Variants in AATK observed in about 807,000 individuals in gnomAD.
The protein encoded by AATK is lemur tail kinase 1, also known as serine/threonine-protein kinase LMTK1.
AATK carries 91 observed loss-of-function variants against 114.3 expected under a neutral mutation model. The observed-to-expected ratio is 0.80, with a 90% CI of 0.67 to 0.95. The LOEUF is 0.95. Ranked by LOEUF, AATK falls within the 40% of genes least tolerant of loss-of-function variation. The probability of loss-of-function intolerance (pLI) is 0.00; values close to 1 mark genes in which losing one functional copy is unlikely to be tolerated. For synonymous variants in AATK, 1,075 were observed against 916.5 expected (o/e 1.17, Z -3.12); for missense variants, 2,176 against 1,965.2 (o/e 1.11, Z -2.03).
At position 81,120,037 on chromosome 17, in the gene AATK, TCCTTGGCGC is replaced by T; in HGVS notation, c.3773_3781del (p.Gly1258_Lys1260del). 1 of 1,454,458 alleles carries T rather than the reference TCCTTGGCGC, an allele frequency of 6.9e-7. No homozygotes were observed. The highest frequency in any genetic ancestry group is 9.1e-7 in the Non-Finnish European group (1 of 1,100,922). The allele number at this position is 1,454,458 out of a possible 1,614,324, so 90.1% of individuals were successfully genotyped here. On this transcript the variant is annotated inframe_deletion, in exon 12 of 14. Coordinates refer to ENST00000326724, the MANE Select transcript of AATK (RefSeq NM_001080395.3). ...CCCCCTAAGGAACGTAGGGGGCGAT[TCCTTGGCGC>T]CCGGGAAGGGCTCCCCGAGCTCCCG...
intron 3 of AATK, among the ~76,000 whole-genome samples, 191 bp downstream of exon 3, chr17:81,130,870 G>A (rs533729894): frequency 1.2e-3 from 189 of 152,314 alleles, no homozygotes; most frequent in African/African-American, 4.4e-3. Context: ...TGCACCTTTG[G>A]CCCCACAGTG....
chr17:81,156,449 A>T (rs987715786), intron 1 of AATK, among the ~76,000 whole-genome samples: 2 of 152,030 alleles, frequency 1.3e-5, no homozygotes, highest in Non-Finnish European at 2.9e-5. Flanking sequence ...CCCAGGCTGG[A>T]GTGCAGTGGT....
chr17:81,138,492 C>T (rs2061061541), intron 1 of AATK, among the ~76,000 whole-genome samples: 1 of 149,336 alleles, frequency 6.7e-6, no homozygotes, highest in Non-Finnish European at 1.5e-5. Context: ...TGCATGCACA[C>T]ACACCCTCGT....
chr17:81,156,070 G>A (rs970363134), intron 1 of AATK, among the ~76,000 whole-genome samples: 1 of 147,788 alleles, frequency 6.8e-6, no homozygotes, highest in African/African-American at 2.6e-5. Context: ...TATAATGTAT[G>A]TTACTATGTT....
intron 1 of AATK, among the ~76,000 whole-genome samples, chr17:81,144,081 C>T (rs2061181286): frequency 6.6e-6 from 1 of 152,200 alleles, no homozygotes; most frequent in African/African-American, 2.4e-5. Context: ...TGTCCCCGCT[C>T]GGCCCTTCAG....
chr17:81,127,543 C>T (rs1228113040), intron 6 of AATK, 40 bp downstream of exon 6: 24 of 1,555,208 alleles, frequency 1.5e-5, no homozygotes, highest in Non-Finnish European at 2.0e-5. Context: ...AGGGCCCCGG[C>T]TCAGCAAAGA....
intron 9 of AATK, among the ~76,000 whole-genome samples, chr17:81,124,235 C>T (rs2060755789): frequency 6.6e-6 from 1 of 151,932 alleles, no homozygotes; most frequent in East Asian, 1.9e-4. Context: ...GGACCACTCC[C>T]CTGGCGGCTC....
chr17:81,119,351 C>T (rs1374728023), intron 13 of AATK, 29 bp downstream of exon 13: 1 of 1,549,232 alleles, frequency 6.5e-7, no homozygotes, highest in South Asian at 1.2e-5. Context: ...CCCGCGTGCC[C>T]TTCTGCCACA....
Position 81,141,957 on chromosome 17 carries a change from C to CT in AATK, c.56-7457dup, listed in dbSNP as rs199621163. Among the ~76,000 whole-genome samples, 1,609 of 83,180 alleles carry CT rather than the reference C, an allele frequency of 0.019. 33 individuals are homozygous for CT. The East Asian group carries it at 0.32, about 17-fold the overall frequency. The allele number at this position is 83,180 out of a possible 152,430, so 54.6% of individuals were successfully genotyped here. A position where few individuals can be genotyped will look rare whatever the true frequency, so the allele number is the denominator to read the frequency against. On this transcript the variant is annotated intron_variant, in intron 1 of 13. Coordinates refer to ENST00000326724, the MANE Select transcript of AATK (RefSeq NM_001080395.3). The stretch of plus-strand genomic sequence containing the variant: ...CTTCCTTCCTTCCTTCCTTCCTTTC[C>CT]TTCCTTCCTTCCTTCCTTGATAGAG...
chr17:81,125,528 G>T (rs536466878), intron 7 of AATK, among the ~76,000 whole-genome samples: 67 of 152,284 alleles, frequency 4.4e-4, no homozygotes, highest in Middle Eastern at 3.4e-3. Flanking sequence ...GCCACCACTG[G>T]CCCCAGGGTT....
intron 12 of AATK, 90 bp downstream of exon 12, chr17:81,119,846 T>C (rs890985280): frequency 4.4e-6 from 6 of 1,362,564 alleles, no homozygotes; most frequent in Non-Finnish European, 5.7e-6. Flanking sequence ...GCTCCTCCCA[T>C]GATGTCACAC....
At chr17:81,128,608 CACCCGGCCCCTGGAGGGGCT>C (rs1471126931) in intron 3 of AATK, 59 bp from the exon 4 acceptor site, 1 of 1,543,980 alleles carries the variant, frequency 6.5e-7, no homozygotes, top group East Asian at 2.5e-5. Context: ...CCAGCTTCCT[CACCCGGCCCCTGGAGGGGCT>C]GCCCGCTTGG....
Position 81,121,471 on chromosome 17 carries a change from G to A in AATK, c.2465C>T (p.Ala822Val). The change falls in exon 11 of 14, where the codon GCC becomes GTC. Residue 822 changes from alanine to valine, a missense_variant. This residue lies in a region of AATK where 1,701 missense variants were observed against 1,394.7 expected (regional missense o/e 1.22). Transcript: ENST00000326724. ...EEASAPDAPD[A>V]LPDSPTPATG... ...AGCAGGCGTGGGAGAGTCAGGCAGG[G>A]CATCAGGGGCGTCGGGGGCACTGGC... 1.3e-6 allele frequency: 2 copies of A among 1,577,700 alleles called. No individual in the cohort carries two copies. The highest frequency in any genetic ancestry group is 1.3e-5 in the African/African-American group (1 of 74,458).
Position 81,145,877 on chromosome 17 carries a change from A to C in AATK, c.56-11376T>G, listed in dbSNP as rs571736990. On this transcript the variant is annotated intron_variant, in intron 1 of 13. Transcript: ENST00000326724. ...GAGCACACAATCAGTAAAAAATAAC[A>C]AATACGTTAAGACCCCAAACATAAA... 2.6e-5 allele frequency among the ~76,000 whole-genome samples: 4 copies of C among 152,134 alleles called. No individual in the cohort carries two copies. In the South Asian group the frequency reaches 8.3e-4, roughly 32 times the overall value.
At chr17:81,148,821 C>T (rs891033237) in intron 1 of AATK, among the ~76,000 whole-genome samples, 5 of 152,224 alleles carry the variant, frequency 3.3e-5, no homozygotes, top group African/African-American at 9.6e-5. Context: ...CGCACACTCA[C>T]GCACACACCC....
Position 81,120,696 on chromosome 17 carries a change from A to G in AATK, c.3240T>C (p.Pro1080=). ...STCPSGLVPE[P]PEPQGPAKVR... is the part of the protein sequence containing the mutation. Reference sequence around the variant, plus strand: ...CCTTGGCTGGGCCTTGGGGCTCCGGAGGCTCTGGGACCAGGCCCGAGGGGC... The same window carrying G: ...CCTTGGCTGGGCCTTGGGGCTCCGGGGGCTCTGGGACCAGGCCCGAGGGGC... The change falls in exon 11 of 14, where the codon CCT becomes CCC. Residue 1080 remains proline (P), a synonymous_variant. Coordinates refer to ENST00000326724, the MANE Select transcript of AATK (RefSeq NM_001080395.3). The G allele has an allele frequency of 6.6e-7, 1 of 1,519,462 alleles. No homozygotes were observed. Among genetic ancestry groups the G allele is most frequent in the Non-Finnish European group, 8.8e-7 (1 of 1,133,898 alleles). 94.1% of individuals were successfully genotyped at this position (1,519,462 alleles called of 1,614,324 possible). A position where few individuals can be genotyped will look rare whatever the true frequency, so the allele number is the denominator to read the frequency against.
chr17:81,138,235 A>G (rs2146347183), intron 1 of AATK, among the ~76,000 whole-genome samples: 1 of 149,300 alleles, frequency 6.7e-6, no homozygotes, highest in East Asian at 2.0e-4. Context: ...ACCCACACGC[A>G]CATACCCACA....
chr17:81,162,067 C>A (rs902211709), intron 1 of AATK, among the ~76,000 whole-genome samples: 1 of 152,114 alleles, frequency 6.6e-6, no homozygotes, highest in Admixed American at 6.5e-5. Flanking sequence ...AGTGTGGGGC[C>A]TCACACCCAC....
In AATK at chr17:81,120,552, G is replaced by C; in HGVS notation, c.3384C>G (p.Ala1128=). The C allele has an allele frequency of 6.7e-7, 1 of 1,501,164 alleles. No individual in the cohort carries two copies. The highest frequency in any genetic ancestry group is 8.9e-7 in the Non-Finnish European group (1 of 1,124,558). The allele number at this position is 1,501,164 out of a possible 1,614,324, so 93.0% of individuals were successfully genotyped here. Reference sequence around the variant, plus strand: ...CTGGGCCCCCCATCCGCTTTTGTGGGGCCGGCCCTGACAACAGTCCTGGGG... The same window carrying C: ...CTGGGCCCCCCATCCGCTTTTGTGGCGCCGGCCCTGACAACAGTCCTGGGG... The part of the protein sequence containing the change: ...QGPPGLLSGP[A]PQKRMGGPGT... The change falls in exon 11 of 14, where the codon GCC becomes GCG. Residue 1128 remains alanine, a synonymous_variant. Transcript: ENST00000326724.
Sources: allele counts gnomAD v4.1 joint callset (sites outside exome capture counted in the v4.1 genomes callset), GRCh38; gene constraint gnomAD v4.1.1; regional missense constraint gnomAD v4.1.1; transcripts MANE v1.5; gene names NCBI Gene and HGNC (gene_info 2026-07-23, HGNC 2026-07-21).